The following ITPR1 variants were observed in gnomAD, a reference collection of about 807,000 sequenced individuals.
ITPR1 encodes the protein inositol 1,4,5-trisphosphate-gated calcium channel ITPR1.
A neutral mutation model predicts 318.4 loss-of-function variants in ITPR1; 96 were observed. The ratio of observed to expected loss-of-function variants is 0.30; its 90% confidence interval spans 0.26 to 0.36. The LOEUF is 0.36. Among genes scored for constraint, ITPR1 ranks in the 10% least tolerant of loss-of-function variants. ITPR1 has a pLI of 1.00. For synonymous variants in ITPR1, 1,312 were observed against 1,289.9 expected (o/e 1.02, Z -0.37); for missense variants, 2,440 against 3,460.2 (o/e 0.71, Z 7.40).
intron 4 of ITPR1, among the ~76,000 whole-genome samples, chr3:4,607,490 A>G (rs73809705): frequency 0.092 from 13,922 of 152,134 alleles, 1,121 homozygotes; most frequent in African/African-American, 0.22. Context: ...CCACTGCCCA[A>G]ATGGGGCCGA....
rs2082524931 is a variant in ITPR1 at position 4,521,014 on chromosome 3, T to G, written c.93-10T>G. On this transcript the variant is annotated splice_polypyrimidine_tract_variant and intron_variant, in intron 3 of 61. Coordinates refer to ENST00000649015, the MANE Select transcript of ITPR1 (RefSeq NM_001378452.1). Reference sequence around the variant, plus strand: ...ACACTTGACAGAGCATTTATCTGTCTTCTTTACAGCCTGGTTGATGATCGT... The same window carrying G: ...ACACTTGACAGAGCATTTATCTGTCGTCTTTACAGCCTGGTTGATGATCGT... 6.2e-7 allele frequency: 1 copy of G among 1,608,900 alleles called. No homozygotes were observed. The highest frequency in any genetic ancestry group is 8.5e-7 in the Non-Finnish European group (1 of 1,175,288).
chr3:4,620,283 G>A (rs147246666), intron 4 of ITPR1, among the ~76,000 whole-genome samples: 98 of 152,262 alleles, frequency 6.4e-4, no homozygotes, highest in Middle Eastern at 6.8e-3. Context: ...CATGGTACAC[G>A]CAGCTGCAGA....
chr3:4,711,667 T>C, intron 38 of ITPR1, 90 bp from the exon 39 acceptor site: 1 of 733,318 alleles, frequency 1.4e-6, no homozygotes, highest in Non-Finnish European at 2.4e-6. Flanking sequence ...ATTTGTTCAT[T>C]AACGGACTAG....
chr3:4,575,609 T>C (rs143901766), intron 4 of ITPR1, among the ~76,000 whole-genome samples: 1 of 152,246 alleles, frequency 6.6e-6, no homozygotes, highest in East Asian at 1.9e-4. Flanking sequence ...GTGAAATATT[T>C]AATATTATTA....
intron 44 of ITPR1, among the ~76,000 whole-genome samples, chr3:4,745,704 C>T (rs945336574): frequency 6.6e-6 from 1 of 152,208 alleles, no homozygotes; most frequent in Non-Finnish European, 1.5e-5. Context: ...CCCAAAGATA[C>T]AGCTCTCGGT....
chr3:4,737,026 T>G (rs986260198), intron 44 of ITPR1, among the ~76,000 whole-genome samples: 4 of 152,222 alleles, frequency 2.6e-5, no homozygotes, highest in African/African-American at 9.7e-5. Flanking sequence ...CATTTTTTTC[T>G]GAGATTATAT....
At chr3:4,723,179 T>A (rs1045354388) in intron 40 of ITPR1, among the ~76,000 whole-genome samples, 1 of 152,078 alleles carries the variant, frequency 6.6e-6, no homozygotes, top group Non-Finnish European at 1.5e-5. Context: ...AAAAGAATAT[T>A]TGCTTTGTCC....
At chr3:4,769,301 CAT>C (rs922112706) in intron 46 of ITPR1, among the ~76,000 whole-genome samples, 1 of 152,174 alleles carries the variant, frequency 6.6e-6, no homozygotes, top group African/African-American at 2.4e-5. Context: ...TGTGCACCAA[CAT>C]AGGTGCCTGC....
intron 42 of ITPR1, among the ~76,000 whole-genome samples, chr3:4,732,221 TG>T (rs997643779): frequency 3.3e-5 from 5 of 152,220 alleles, no homozygotes; most frequent in African/African-American, 1.2e-4. Context: ...GAGGTTTTTT[TG>T]GTTAGAGTAA....
chr3:4,692,948 C>T (rs764905819), intron 32 of ITPR1, among the ~76,000 whole-genome samples: 4 of 152,106 alleles, frequency 2.6e-5, no homozygotes, highest in Non-Finnish European at 5.9e-5. Context: ...TGGGGAAACC[C>T]CGTCTCTACT....
chr3:4,796,960 C>G (rs1303501874), intron 53 of ITPR1, among the ~76,000 whole-genome samples: 1 of 152,194 alleles, frequency 6.6e-6, no homozygotes, highest in African/African-American at 2.4e-5. Context: ...CCCATCCAAG[C>G]TTGAGATCCC....
At position 4,727,368 on chromosome 3, in the gene ITPR1, C is replaced by T. The variant is rs147271554; in HGVS notation, c.5220+195C>T. Among the ~76,000 whole-genome samples the T allele has an allele frequency of 8.4e-4, 128 of 151,912 alleles. 1 individual carries two copies. Among genetic ancestry groups the T allele is most frequent in the Non-Finnish European group, 1.5e-3 (99 of 67,938 alleles). Reference sequence around the variant, plus strand: ...CTGCCCATTGTCTACCTGATCAGAGCACTGTAACCAGCTGGCCTCCAAATA... The same window carrying T: ...CTGCCCATTGTCTACCTGATCAGAGTACTGTAACCAGCTGGCCTCCAAATA... On this transcript the variant is annotated intron_variant, in intron 42 of 61. Transcript: ENST00000649015.
chr3:4,735,962 T>G (rs1241024941), intron 44 of ITPR1, among the ~76,000 whole-genome samples: 1 of 152,372 alleles, frequency 6.6e-6, no homozygotes, highest in East Asian at 1.9e-4. Context: ...ATTCTATTTC[T>G]AGTTCACTTT....
At chr3:4,502,214 A>G (rs1329766903) in intron 2 of ITPR1, among the ~76,000 whole-genome samples, 2 of 152,048 alleles carry the variant, frequency 1.3e-5, no homozygotes, top group African/African-American at 4.8e-5. Flanking sequence ...TCTATTCCTT[A>G]GGGCCCAGCC....
chr3:4,603,805 C>T (rs562559745), intron 4 of ITPR1, among the ~76,000 whole-genome samples: 1 of 152,254 alleles, frequency 6.6e-6, no homozygotes, highest in South Asian at 2.1e-4. Flanking sequence ...GATGAACGTA[C>T]GAGTGCGTGT....
chr3:4,600,802 C>T (rs373946675), intron 4 of ITPR1, among the ~76,000 whole-genome samples: 2 of 151,982 alleles, frequency 1.3e-5, no homozygotes, highest in African/African-American at 4.8e-5. Flanking sequence ...CCAACAAGGG[C>T]GACTCCCACA....
At chr3:4,624,925 G>A (rs1313684223) in intron 4 of ITPR1, among the ~76,000 whole-genome samples, 3 of 152,126 alleles carry the variant, frequency 2.0e-5, no homozygotes, top group Non-Finnish European at 2.9e-5. Context: ...TGGATGTAAT[G>A]TCATTAAATT....
intron 13 of ITPR1, among the ~76,000 whole-genome samples, chr3:4,659,725 A>T (rs2093793613): frequency 6.6e-6 from 1 of 152,060 alleles, no homozygotes; most frequent in African/African-American, 2.4e-5. Flanking sequence ...AGTCAATTGT[A>T]ATCATCTTTA....
intron 26 of ITPR1, 45 bp from the exon 27 acceptor site, chr3:4,683,341 G>T (rs764920245): frequency 1.2e-6 from 2 of 1,606,866 alleles, no homozygotes; most frequent in Admixed American, 3.3e-5. Context: ...GTGAGAGGAG[G>T]CATTTGTCAT....
Sources: gnomAD v4.1 joint callset for allele counts (sites outside exome capture counted in the v4.1 genomes callset) on GRCh38, gnomAD v4.1.1 for gene constraint, MANE v1.5 for transcripts, NCBI Gene and HGNC (gene_info 2026-07-23, HGNC 2026-07-21) for gene names.